The following SYT16 variants were observed in gnomAD, a reference collection of about 807,000 sequenced individuals.
The protein encoded by SYT16 is synaptotagmin 16, also known as synaptotagmin-16.
A neutral mutation model predicts 61.4 loss-of-function variants in SYT16; 42 were observed. The observed-to-expected ratio is 0.68, with a 90% CI of 0.53 to 0.89. The LOEUF (loss-of-function observed/expected upper bound fraction) is 0.89, where lower values mean the gene tolerates loss of function less well. Ranked by LOEUF, SYT16 falls within the 40% of genes least tolerant of loss-of-function variation. The probability of loss-of-function intolerance (pLI) is 0.00; values close to 1 mark genes in which losing one functional copy is unlikely to be tolerated. For missense variants in SYT16, 804 were observed against 807.3 expected, an observed-to-expected ratio of 1.00 and a Z score of 0.05; for synonymous variants, 314 against 302.3, an observed-to-expected ratio of 1.04 and a Z score of -0.40.
intron 3 of SYT16, among the ~76,000 whole-genome samples, chr14:62,056,374 T>C (rs2055555018): frequency 6.6e-6 from 1 of 151,954 alleles, no homozygotes; most frequent in African/African-American, 2.4e-5. Flanking sequence ...CCTAAGAAAA[T>C]AGTCTGACCT....
At chr14:62,049,432 T>C (rs1311631170) in intron 3 of SYT16, among the ~76,000 whole-genome samples, 2 of 152,338 alleles carry the variant, frequency 1.3e-5, no homozygotes, top group East Asian at 1.9e-4. Context: ...CTTTATCCAA[T>C]TTGCCAGTCT....
At chr14:61,875,747 T>C (rs1255878533) in intron 1 of SYT16, among the ~76,000 whole-genome samples, 1 of 152,210 alleles carries the variant, frequency 6.6e-6, no homozygotes, top group Admixed American at 6.5e-5. Flanking sequence ...TACCAAACCA[T>C]GCATGCCTGC....
chr14:62,084,082 C>G, intron 6 of SYT16, 114 bp from the exon 7 acceptor site: 6 of 1,307,794 alleles, frequency 4.6e-6, no homozygotes, highest in Non-Finnish European at 5.2e-6. Flanking sequence ...CCTTAGTCAT[C>G]TTTGGCAGTC....
At chr14:61,975,197 C>T (rs1208853580) in intron 2 of SYT16, among the ~76,000 whole-genome samples, 1 of 152,110 alleles carries the variant, frequency 6.6e-6, no homozygotes, top group African/African-American at 2.4e-5. Context: ...AAGTTGAGGA[C>T]CATCTGTGCA....
intron 5 of SYT16, among the ~76,000 whole-genome samples, chr14:62,077,277 A>G (rs1279465515): frequency 6.6e-6 from 1 of 152,232 alleles, no homozygotes; most frequent in Non-Finnish European, 1.5e-5. Context: ...AATTTGACAC[A>G]AGTATTCTCA....
chr14:61,849,317 C>T (rs1395993894), intron 1 of SYT16, among the ~76,000 whole-genome samples: 1 of 152,208 alleles, frequency 6.6e-6, no homozygotes, highest in South Asian at 2.1e-4. Context: ...TCTTAGTTGC[C>T]CCAGCCAGTG....
At chr14:61,818,774 C>T (rs1292290824) in intron 1 of SYT16, among the ~76,000 whole-genome samples, 2 of 151,832 alleles carry the variant, frequency 1.3e-5, no homozygotes, top group Non-Finnish European at 2.9e-5. Flanking sequence ...GGGCTGTGCA[C>T]TTGTTTTAAG....
intron 3 of SYT16, among the ~76,000 whole-genome samples, chr14:62,003,332 G>T (rs1463925975): frequency 2.0e-5 from 3 of 151,930 alleles, no homozygotes; most frequent in Non-Finnish European, 4.4e-5. Context: ...ACTTCTAAGT[G>T]GGCTTGAATT....
intron 3 of SYT16, among the ~76,000 whole-genome samples, chr14:62,025,114 G>T (rs1013507672): frequency 6.6e-6 from 1 of 152,112 alleles, no homozygotes; most frequent in African/African-American, 2.4e-5. Context: ...AGGTTTTTGT[G>T]TAGACGTGTT....
intron 1 of SYT16, among the ~76,000 whole-genome samples, chr14:61,900,365 C>T (rs2048471054): frequency 6.6e-6 from 1 of 152,138 alleles, no homozygotes; most frequent in African/African-American, 2.4e-5. Flanking sequence ...GCCATGTTGG[C>T]CAGGCTGGTC....
At chr14:61,978,288 G>C (rs1440803220) in intron 2 of SYT16, among the ~76,000 whole-genome samples, 1 of 152,150 alleles carries the variant, frequency 6.6e-6, no homozygotes, top group Non-Finnish European at 1.5e-5. Context: ...CAAATAAGGA[G>C]AGTTGATGAA....
At chr14:61,849,271 C>T (rs990247821) in intron 1 of SYT16, among the ~76,000 whole-genome samples, 9 of 152,122 alleles carry the variant, frequency 5.9e-5, no homozygotes, top group African/African-American at 2.2e-4. Context: ...GCTGCACTGC[C>T]TGGAGTTGGG....
intron 3 of SYT16, among the ~76,000 whole-genome samples, chr14:62,013,836 C>A (rs998552296): frequency 6.6e-6 from 1 of 152,048 alleles, no homozygotes; most frequent in Admixed American, 6.6e-5. Flanking sequence ...TAGTGGTGGG[C>A]ACCTGTAGTC....
At position 62,106,952 on chromosome 14, in the gene SYT16, T is replaced by A. The variant is rs1295652866; in HGVS notation, c.*6245T>A. 1 of 152,144 alleles carries A rather than the reference T, an allele frequency of 6.6e-6. No homozygotes were observed. The highest frequency in any genetic ancestry group is 1.9e-4 in the East Asian group (1 of 5,194). 9.4% of individuals were successfully genotyped at this position (152,144 alleles called of 1,614,324 possible). On this transcript the variant is annotated 3_prime_UTR_variant, in exon 8 of 8. Coordinates refer to ENST00000683842, the MANE Select transcript of SYT16 (RefSeq NM_001367656.1). ...TGCTCACTAATGCTGCCTTAAGGTT[T>A]CTTCATGGGAATTTTTACTTCATGC...
intron 1 of SYT16, among the ~76,000 whole-genome samples, chr14:61,898,109 G>A (rs970419074): frequency 2.0e-5 from 3 of 152,136 alleles, no homozygotes; most frequent in Non-Finnish European, 2.9e-5. Flanking sequence ...GGAGTTGTCC[G>A]GGGCAAATTG....
intron 1 of SYT16, among the ~76,000 whole-genome samples, chr14:61,872,036 G>A (rs1205700741): frequency 6.6e-6 from 1 of 152,092 alleles, no homozygotes; most frequent in Non-Finnish European, 1.5e-5. Flanking sequence ...AGCAGGGATT[G>A]AAAATAAAAT....
intron 3 of SYT16, among the ~76,000 whole-genome samples, chr14:62,048,828 T>C (rs1289193642): frequency 6.6e-6 from 1 of 152,264 alleles, no homozygotes; most frequent in African/African-American, 2.4e-5. Context: ...TTGATTGTAC[T>C]GTGGTCTGAG....
chr14:61,972,595 A>G (rs916203120), intron 2 of SYT16, among the ~76,000 whole-genome samples: 19 of 152,232 alleles, frequency 1.2e-4, no homozygotes, highest in Admixed American at 5.9e-4. Context: ...TACAAGTTTA[A>G]TTATTGTTAT....
rs553595712 is a variant in SYT16, at chr14:62,045,095, G to A, written c.524-24508G>A. 8.6e-5 allele frequency among the ~76,000 whole-genome samples: 13 copies of A among 152,026 alleles called. 1 individual carries two copies. Among genetic ancestry groups the A allele is most frequent in the South Asian group, 6.2e-4 (3 of 4,804 alleles). On this transcript the variant is annotated intron_variant, in intron 3 of 7. Coordinates refer to ENST00000683842, the MANE Select transcript of SYT16 (RefSeq NM_001367656.1). ...AGAGGTTGCAGTGAGCCAAGATTGC[G>A]CCATTACACTCCAGCCTGGGTGACA...
Sources: allele counts gnomAD v4.1 joint callset (sites outside exome capture counted in the v4.1 genomes callset), GRCh38; gene constraint gnomAD v4.1.1; transcripts MANE v1.5; gene names NCBI Gene and HGNC (gene_info 2026-07-23, HGNC 2026-07-21).